The following KIF26B variants were observed in gnomAD, a reference collection of about 807,000 sequenced individuals.
KIF26B encodes kinesin-like protein KIF26B.
A neutral mutation model predicts 151.2 loss-of-function variants in KIF26B; 63 were observed. The ratio of observed to expected loss-of-function variants is 0.42; its 90% CI spans 0.34 to 0.51. The LOEUF (loss-of-function observed/expected upper bound fraction) is 0.51, where lower values mean the gene tolerates loss of function less well. Among genes scored for constraint, KIF26B ranks in the 20% least tolerant of loss-of-function variants. The probability of loss-of-function intolerance (pLI) is 0.07; values close to 1 mark genes in which losing one functional copy is unlikely to be tolerated. For synonymous variants in KIF26B, 1,357 were observed against 1,262.1 expected, an observed-to-expected ratio of 1.08 and a Z score of -1.59; for missense variants, 2,813 against 2,913.6, an observed-to-expected ratio of 0.97 and a Z score of 0.79.
At chr1:245,684,170 C>A in intron 10 of KIF26B, 63 bp from the exon 11 acceptor site, 1 of 1,562,604 alleles carries the variant, frequency 6.4e-7, no homozygotes. Context: ...GGCCTGAAGC[C>A]CTGCCCTGAG....
intron 3 of KIF26B, among the ~76,000 whole-genome samples, chr1:245,370,091 T>C (rs556878918): frequency 6.6e-6 from 1 of 152,306 alleles, no homozygotes; most frequent in East Asian, 1.9e-4. Context: ...GAAGTTTAAA[T>C]GAGACTTTAA....
At chr1:245,590,706 A>C (rs1427853567) in intron 5 of KIF26B, among the ~76,000 whole-genome samples, 1 of 152,156 alleles carries the variant, frequency 6.6e-6, no homozygotes, top group East Asian at 1.9e-4. Flanking sequence ...CCAGGAGTTC[A>C]AGACCAGCCC....
intron 4 of KIF26B, among the ~76,000 whole-genome samples, chr1:245,462,204 G>A (rs1379129632): frequency 2.0e-5 from 3 of 152,144 alleles, no homozygotes; most frequent in African/African-American, 4.8e-5. Flanking sequence ...GATTTTGACT[G>A]GTAATGGTGG....
chr1:245,429,911 G>A (rs970656042), intron 4 of KIF26B, among the ~76,000 whole-genome samples: 13 of 152,070 alleles, frequency 8.5e-5, no homozygotes, highest in African/African-American at 1.4e-4. Context: ...CACTGCACCC[G>A]GCCTTGTTGT....
chr1:245,644,420 T>C (rs998056926), intron 9 of KIF26B, among the ~76,000 whole-genome samples: 2 of 152,226 alleles, frequency 1.3e-5, no homozygotes, highest in African/African-American at 4.8e-5. Context: ...TTTTAATAAA[T>C]AGCTGCTTCT....
At chr1:245,159,310 A>G (rs1668497459) in intron 2 of KIF26B, among the ~76,000 whole-genome samples, 1 of 152,258 alleles carries the variant, frequency 6.6e-6, no homozygotes, top group African/African-American at 2.4e-5. Context: ...TTTAAAAGTC[A>G]AAAGCAGAAT....
At chr1:245,511,152 T>C (rs1660825386) in intron 4 of KIF26B, 1 of 716,452 alleles carries the variant, frequency 1.4e-6, no homozygotes, top group East Asian at 2.7e-5. Context: ...TTATATATGT[T>C]GCTGGAGTTA....
chr1:245,599,300 G>T (rs1333347583), intron 5 of KIF26B, among the ~76,000 whole-genome samples: 1 of 152,218 alleles, frequency 6.6e-6, no homozygotes, highest in Non-Finnish European at 1.5e-5. Flanking sequence ...TTATTTAGAC[G>T]CATTGCAAAG....
At chr1:245,510,654 C>T (rs978208927) in intron 4 of KIF26B, among the ~76,000 whole-genome samples, 4 of 150,600 alleles carry the variant, frequency 2.7e-5, no homozygotes, top group African/African-American at 9.8e-5. Flanking sequence ...TGCCTGCCTG[C>T]CTCTGCCCCT....
At chr1:245,338,215 T>G (rs1672272979) in intron 2 of KIF26B, among the ~76,000 whole-genome samples, 1 of 152,220 alleles carries the variant, frequency 6.6e-6, no homozygotes, top group South Asian at 2.1e-4. Context: ...TCAAAATGGT[T>G]TACTTGTTTC....
At chr1:245,463,471 G>T (rs775450029) in intron 4 of KIF26B, among the ~76,000 whole-genome samples, 1 of 152,096 alleles carries the variant, frequency 6.6e-6, no homozygotes, top group Non-Finnish European at 1.5e-5. Flanking sequence ...CTTTTTTCCT[G>T]GTGGGAAAGG....
intron 4 of KIF26B, among the ~76,000 whole-genome samples, chr1:245,484,543 A>G (rs1171874586): frequency 6.6e-6 from 1 of 151,806 alleles, no homozygotes; most frequent in Admixed American, 6.6e-5. Flanking sequence ...TCTCTGGAAT[A>G]TTAGACTGCC....
chr1:245,450,167 C>T (rs1433685625), intron 4 of KIF26B, among the ~76,000 whole-genome samples: 1 of 152,074 alleles, frequency 6.6e-6, no homozygotes, highest in Non-Finnish European at 1.5e-5. Context: ...CAACTGTTGC[C>T]TGGACTCGGT....
intron 4 of KIF26B, among the ~76,000 whole-genome samples, chr1:245,453,749 A>C (rs148555384): frequency 5.3e-5 from 8 of 152,362 alleles, no homozygotes; most frequent in Non-Finnish European, 7.3e-5. Context: ...ATAAGACACT[A>C]ACAAGTCTTC....
chr1:245,183,865 A>C (rs1668948391), intron 2 of KIF26B, among the ~76,000 whole-genome samples: 1 of 152,012 alleles, frequency 6.6e-6, no homozygotes, highest in Admixed American at 6.6e-5. Flanking sequence ...TAATGGCACC[A>C]GGGCACAGCT....
chr1:245,445,879 TC>T (rs1166921893), intron 4 of KIF26B, among the ~76,000 whole-genome samples: 1 of 152,178 alleles, frequency 6.6e-6, no homozygotes, highest in Non-Finnish European at 1.5e-5. Context: ...CATCCTTCCC[TC>T]CCTTATTTCT....
chr1:245,606,182 G>A lies in KIF26B; in HGVS notation c.1558-1469G>A, dbSNP rs116230031. On this transcript the variant is annotated intron_variant, in intron 6 of 14. Transcript: ENST00000407071. This position sits in a 1 kb window ranked among gnomAD's most constrained non-coding sequence, Gnocchi z 4.6. ...CTGTCCTGCCACCCCCTCTGGCCCA[G>A]GAGGAGCCCCCCGCCCCCCGCAGAG... Among the ~76,000 whole-genome samples the A allele has an allele frequency of 9.3e-3, 1,422 of 152,230 alleles. 14 individuals carry two copies. The highest frequency in any genetic ancestry group is 0.016 in the Non-Finnish European group (1,106 of 68,016).
chr1:245,598,099 G>A (rs1022962469), intron 5 of KIF26B, among the ~76,000 whole-genome samples: 2 of 152,030 alleles, frequency 1.3e-5, no homozygotes, highest in Admixed American at 6.6e-5. Flanking sequence ...CAGATAGAGA[G>A]ATGATAAGGG....
chr1:245,493,304 C>A (rs1185454250), intron 4 of KIF26B, among the ~76,000 whole-genome samples: 1 of 152,114 alleles, frequency 6.6e-6, no homozygotes, highest in Non-Finnish European at 1.5e-5. Flanking sequence ...GAAAAGTGCT[C>A]CTGGAATGAC....
Sources: allele counts gnomAD v4.1 joint callset (sites outside exome capture counted in the v4.1 genomes callset), GRCh38; gene constraint gnomAD v4.1.1; non-coding constraint Gnocchi (gnomAD v3.1); transcripts MANE v1.5; gene names NCBI Gene and HGNC (gene_info 2026-07-23, HGNC 2026-07-21).